Variants in PPFIBP2 observed in about 807,000 individuals in gnomAD.
The protein encoded by PPFIBP2 is liprin-beta-2.
A neutral mutation model predicts 118.3 loss-of-function variants in PPFIBP2; 118 were observed. The ratio of observed to expected loss-of-function variants is 1.00; its 90% confidence interval spans 0.86 to 1.16. PPFIBP2 has a LOEUF of 1.16. Among genes scored for constraint, PPFIBP2 ranks in the 50% most tolerant of loss-of-function variants. The pLI is 0.00. For synonymous variants in PPFIBP2, 414 were observed against 397.4 expected (o/e 1.04, Z -0.50); for missense variants, 1,195 against 1,073.1 (o/e 1.11, Z -1.59).
In PPFIBP2 at chr11:7,537,836, A is replaced by G. The variant is rs143010488; in HGVS notation, c.-36-11604A>G. ...TGCCCTCCCCGCTCCCCACTCCCCA[A>G]TCCCTCTCCTTGTTGGAGTACCTGC... On this transcript the variant is annotated intron_variant, in intron 1 of 23. Coordinates refer to ENST00000299492, the MANE Select transcript of PPFIBP2 (RefSeq NM_003621.5). Among the ~76,000 whole-genome samples the G allele has an allele frequency of 4.3e-3, 649 of 151,880 alleles. 5 individuals are homozygous for G. The highest frequency in any genetic ancestry group is 0.015 in the African/African-American group (619 of 41,366).
At chr11:7,666,296 AT>A in the PPFIBP2 span, 2 of 613,284 alleles carry the variant, frequency 3.3e-6, no homozygotes, top group Non-Finnish European at 5.9e-6. Flanking sequence ...TTCTCCCTCA[AT>A]TTCTCACATT....
At chr11:7,577,578 A>C (rs924488719) in intron 3 of PPFIBP2, 1 of 456,644 alleles carries the variant, frequency 2.2e-6, no homozygotes, top group Non-Finnish European at 4.4e-6. Flanking sequence ...AACTGCTGAC[A>C]TGGGTGCCCA....
At chr11:7,570,738 T>G (rs534689195) in intron 3 of PPFIBP2, among the ~76,000 whole-genome samples, 1 of 152,204 alleles carries the variant, frequency 6.6e-6, no homozygotes, top group East Asian at 1.9e-4. Flanking sequence ...TGAACCAGGG[T>G]GAGGGAGTAT....
At chr11:7,663,977 A>G in the PPFIBP2 span, among the ~76,000 whole-genome samples, 1 of 152,176 alleles carries the variant, frequency 6.6e-6, no homozygotes, top group Admixed American at 6.5e-5. Flanking sequence ...GTGCTTCCCA[A>G]GTGAGGCAAT....
intron 1 of PPFIBP2, among the ~76,000 whole-genome samples, chr11:7,539,739 GATA>G (rs749049233): frequency 1.4e-4 from 21 of 152,192 alleles, no homozygotes; most frequent in Non-Finnish European, 2.8e-4. Flanking sequence ...GATCCTTGGA[GATA>G]ATGATGATGG....
At chr11:7,637,960 C>G (rs1052637924) in intron 14 of PPFIBP2, among the ~76,000 whole-genome samples, 6 of 152,300 alleles carry the variant, frequency 3.9e-5, no homozygotes, top group Admixed American at 3.9e-4. Context: ...CTTGAGGGAG[C>G]ATGCGTGATG....
At chr11:7,656,453 C>G (rs1189517006), downstream of PPFIBP2, among the ~76,000 whole-genome samples, 1 of 152,226 alleles carries the variant, frequency 6.6e-6, no homozygotes, top group Non-Finnish European at 1.5e-5. Context: ...TTGGCCCACC[C>G]ATGAAAGGAA....
At chr11:7,534,009 G>A (rs1850982310) in intron 1 of PPFIBP2, among the ~76,000 whole-genome samples, 1 of 152,232 alleles carries the variant, frequency 6.6e-6, no homozygotes, top group South Asian at 2.1e-4. Context: ...AGAAAGCCCA[G>A]AGGAAGCAGC....
At chr11:7,627,519 A>G (rs11041488) in intron 8 of PPFIBP2, among the ~76,000 whole-genome samples, 38,558 of 151,892 alleles carry the variant, frequency 0.25, 6,215 homozygotes, top group Non-Finnish European at 0.35. Context: ...TTCTTTGAAC[A>G]ATCTAGCTAT....
In PPFIBP2 at chr11:7,605,749, G is replaced by A. The variant is rs544058495; in HGVS notation, c.487-4542G>A. 8.1e-6 allele frequency: 11 copies of A among 1,355,648 alleles called. No homozygotes were observed. The African/African-American group carries it at 1.5e-4, about 18-fold the overall frequency. The allele number at this position is 1,355,648 out of a possible 1,614,324, so 84.0% of individuals were successfully genotyped here. A position where few individuals can be genotyped will look rare whatever the true frequency, so the allele number is the denominator to read the frequency against. On this transcript the variant is annotated intron_variant, in intron 5 of 23. Transcript: ENST00000299492. ...ACTAGTGGCCGCAGAAGAAATTAGA[G>A]GTTGAGTGAGCAAGTGGGACAGATG...
chr11:7,608,580 T>C (rs1225489630), intron 5 of PPFIBP2, among the ~76,000 whole-genome samples: 1 of 152,132 alleles, frequency 6.6e-6, no homozygotes, highest in African/African-American at 2.4e-5. Context: ...GTGGAGGTTG[T>C]GGTGAGCCGA....
chr11:7,665,211 G>A, the PPFIBP2 span: 53 of 566,920 alleles, frequency 9.3e-5, 1 homozygote, highest in African/African-American at 7.9e-4. Context: ...CCAGCCCCTT[G>A]AGCCCTTTTT....
chr11:7,604,632 G>A (rs1201321169), intron 5 of PPFIBP2, among the ~76,000 whole-genome samples: 1 of 152,138 alleles, frequency 6.6e-6, no homozygotes, highest in African/African-American at 2.4e-5. Flanking sequence ...CCAGCAAGAG[G>A]ACATGGGAGT....
intron 13 of PPFIBP2, among the ~76,000 whole-genome samples, 167 bp downstream of exon 13, chr11:7,634,719 C>G (rs1227669933): frequency 6.6e-6 from 1 of 152,116 alleles, no homozygotes; most frequent in Non-Finnish European, 1.5e-5. Context: ...CTGGGTGTGG[C>G]CCAAAGCATC....
chr11:7,639,685 G>A (rs1160895639), intron 14 of PPFIBP2, 47 bp from the exon 15 acceptor site: 9 of 1,611,514 alleles, frequency 5.6e-6, no homozygotes, highest in South Asian at 1.1e-5. Context: ...CCTAACTGAG[G>A]CTGACAGTTA....
intron 5 of PPFIBP2, chr11:7,598,318 G>A (rs34347748): frequency 0.08 from 22,071 of 276,244 alleles, 1,143 homozygotes; most frequent in East Asian, 0.21. Context: ...TTGCTGTATT[G>A]TCATCTTTAC....
At chr11:7,582,726 A>C (rs1304544155) in intron 3 of PPFIBP2, among the ~76,000 whole-genome samples, 5 of 152,016 alleles carry the variant, frequency 3.3e-5, no homozygotes, top group Non-Finnish European at 5.9e-5. Context: ...GAAAAAAAAA[A>C]AAAAACCAGC....
In PPFIBP2 at chr11:7,625,883, CAGAG is replaced by C. The variant is rs1565081196; in HGVS notation, c.823_826del (p.Arg275ThrfsTer7). The C allele has an allele frequency of 1.2e-6, 2 of 1,613,782 alleles. No homozygotes were observed. Among genetic ancestry groups the C allele is most frequent in the East Asian group, 2.2e-5 (1 of 44,882 alleles). On this transcript the variant is annotated frameshift_variant, in exon 8 of 24. Transcript: ENST00000299492. LOFTEE classifies it high-confidence loss of function. Reference sequence around the variant, plus strand: ...GCAGCTCTCCACAGTGAGAGTCACACAGAGAGAGGTGACTAGCTTGACTCTGACA... The same window carrying C: ...GCAGCTCTCCACAGTGAGAGTCACACAGAGGTGACTAGCTTGACTCTGACA...
chr11:7,590,251 A>G (rs768144366), intron 3 of PPFIBP2, among the ~76,000 whole-genome samples: 2 of 152,174 alleles, frequency 1.3e-5, no homozygotes, highest in Non-Finnish European at 2.9e-5. Context: ...TTAACATCCT[A>G]GTCCTATATA....
Sources: allele counts gnomAD v4.1 joint callset (sites outside exome capture counted in the v4.1 genomes callset), GRCh38; gene constraint gnomAD v4.1.1; transcripts MANE v1.5; gene names NCBI Gene and HGNC (gene_info 2026-07-23, HGNC 2026-07-21).